Variants in TBC1D30 observed in about 807,000 individuals in gnomAD.
TBC1D30 encodes TBC1 domain family, member 30.
A neutral mutation model predicts 63.2 loss-of-function variants in TBC1D30; 31 were observed. The ratio of observed to expected loss-of-function variants is 0.49; its 90% CI spans 0.37 to 0.66. The LOEUF (loss-of-function observed/expected upper bound fraction) is 0.66, where lower values mean the gene tolerates loss of function less well. Ranked by LOEUF, TBC1D30 falls within the 30% of genes least tolerant of loss-of-function variation. The probability of loss-of-function intolerance (pLI) is 0.00; values close to 1 mark genes in which losing one functional copy is unlikely to be tolerated. For synonymous variants in TBC1D30, 307 were observed against 361.5 expected, an observed-to-expected ratio of 0.85 and a Z score of 1.71; for missense variants, 810 against 953.6, an observed-to-expected ratio of 0.85 and a Z score of 1.98.
chr12:64,841,259 A>G (rs1875843106), intron 7 of TBC1D30, among the ~76,000 whole-genome samples: 1 of 152,202 alleles, frequency 6.6e-6, no homozygotes, highest in African/African-American at 2.4e-5. Context: ...TGACTTCTGC[A>G]ACTTGGAATT....
In TBC1D30 at chr12:64,824,773, G is replaced by A; in HGVS notation, c.-107G>A. The A allele has an allele frequency of 2.1e-6, 3 of 1,406,940 alleles. No individual in the cohort carries two copies. Among genetic ancestry groups the A allele is most frequent in the Non-Finnish European group, 2.8e-6 (3 of 1,065,450 alleles). The allele number at this position is 1,406,940 out of a possible 1,614,324, so 87.2% of individuals were successfully genotyped here. On this transcript the variant is annotated 5_prime_UTR_variant, in exon 1 of 12. Coordinates refer to ENST00000539867, the MANE Select transcript of TBC1D30 (RefSeq NM_015279.2). ...TGTGCGCTCCCTGCTCCCACGGGCC[G>A]GTCAGCCGCAGACACTCACCCAGCT...
intron 1 of TBC1D30, among the ~76,000 whole-genome samples, chr12:64,785,213 G>A (rs963905433): frequency 6.7e-6 from 1 of 149,932 alleles, no homozygotes; most frequent in Non-Finnish European, 1.5e-5. Flanking sequence ...GTGCAATGGC[G>A]CGATCTTGGC....
At chr12:64,873,403 C>G (rs769579640) in intron 11 of TBC1D30, among the ~76,000 whole-genome samples, 7 of 152,080 alleles carry the variant, frequency 4.6e-5, no homozygotes, top group African/African-American at 1.4e-4. Context: ...TTAAAGGGCT[C>G]AGTTTCAGAA....
At chr12:64,780,596 G>A (rs1159160731) in exon 1 of TBC1D30, among the ~76,000 whole-genome samples, 3 of 152,216 alleles carry the variant, frequency 2.0e-5, no homozygotes, top group East Asian at 1.9e-4. Context: ...GCTCAGTGGC[G>A]TGGCAGTCTC....
intron 2 of TBC1D30, among the ~76,000 whole-genome samples, chr12:64,788,765 C>T (rs1871744719): frequency 6.6e-6 from 1 of 152,092 alleles, no homozygotes; most frequent in African/African-American, 2.4e-5. Context: ...CCTGAGAGTT[C>T]AATTCTCTCT....
rs182860673 is a variant in TBC1D30 at position 64,863,539 on chromosome 12, C to T, written c.1039-1129C>T. Among the ~76,000 whole-genome samples, 59 of 152,210 alleles carry T rather than the reference C, an allele frequency of 3.9e-4. 1 individual carries two copies. In the East Asian group the frequency reaches 0.01, roughly 26 times the overall value. On this transcript the variant is annotated intron_variant, in intron 8 of 11. Transcript: ENST00000539867. ...AAGCTGTGTAGCTTTGCACAGTAAG[C>T]GTGGAGAATTGAAGAGAAGGAATTT...
chr12:64,764,408 C>CATCA (rs930789679), intron 1 of TBC1D30, among the ~76,000 whole-genome samples: 1 of 152,204 alleles, frequency 6.6e-6, no homozygotes, highest in Non-Finnish European at 1.5e-5. Flanking sequence ...ATCATGACCT[C>CATCA]TGAAGTGTAA....
Position 64,848,686 on chromosome 12 carries a change from TG to T in TBC1D30, c.1038+5204del, listed in dbSNP as rs1198946140. Reference sequence around the variant, plus strand: ...ATCCAGTCTATCATTGATGGGAATTTGGGTTGGTTCCAAGTCTTTGCTATTG... The same window carrying T: ...ATCCAGTCTATCATTGATGGGAATTTGGTTGGTTCCAAGTCTTTGCTATTG... On this transcript the variant is annotated intron_variant, in intron 8 of 11. Transcript: ENST00000539867. 2.0e-5 allele frequency among the ~76,000 whole-genome samples: 3 copies of T among 152,348 alleles called. No homozygotes were observed. In the East Asian group the frequency reaches 5.8e-4, roughly 29 times the overall value.
chr12:64,853,264 C>T, intron 8 of TBC1D30, among the ~76,000 whole-genome samples: 1 of 152,208 alleles, frequency 6.6e-6, no homozygotes, highest in Admixed American at 6.5e-5. Flanking sequence ...CCAGTTCGAA[C>T]TTCCTGGCAG....
At chr12:64,827,506 G>GT (rs1874462155) in intron 1 of TBC1D30, among the ~76,000 whole-genome samples, 1 of 152,130 alleles carries the variant, frequency 6.6e-6, no homozygotes, top group Non-Finnish European at 1.5e-5. Context: ...TAGATAAATT[G>GT]TTTCAGTCTA....
At chr12:64,867,058 G>A (rs907352766) in intron 10 of TBC1D30, among the ~76,000 whole-genome samples, 155 bp downstream of exon 10, 3 of 152,092 alleles carry the variant, frequency 2.0e-5, no homozygotes, top group African/African-American at 7.2e-5. Flanking sequence ...ATGCCTGTAA[G>A]CCCAGCACTT....
chr12:64,840,180 C>T (rs1042766060), intron 7 of TBC1D30, among the ~76,000 whole-genome samples: 1 of 152,064 alleles, frequency 6.6e-6, no homozygotes, highest in African/African-American at 2.4e-5. Context: ...GTGCTATTTA[C>T]TTATCTTTCA....
chr12:64,857,796 G>T (rs1877436264), intron 8 of TBC1D30, among the ~76,000 whole-genome samples: 1 of 152,228 alleles, frequency 6.6e-6, no homozygotes, highest in African/African-American at 2.4e-5. Context: ...TTCCCCACTG[G>T]CTAGGTCTGG....
chr12:64,872,439 A>G (rs906194221), intron 11 of TBC1D30, among the ~76,000 whole-genome samples: 10 of 152,108 alleles, frequency 6.6e-5, no homozygotes, highest in Admixed American at 5.9e-4. Context: ...TTTACAGGAA[A>G]AGTTTGCTGA....
intron 11 of TBC1D30, among the ~76,000 whole-genome samples, chr12:64,871,232 G>T (rs1026432265): frequency 1.3e-5 from 2 of 152,148 alleles, no homozygotes; most frequent in Non-Finnish European, 2.9e-5. Context: ...AACAGATGTT[G>T]TATCAGAGAA....
chr12:64,844,413 A>G (rs1184689063), intron 8 of TBC1D30, among the ~76,000 whole-genome samples: 1 of 152,190 alleles, frequency 6.6e-6, no homozygotes, highest in Non-Finnish European at 1.5e-5. Flanking sequence ...TAGTAGGTGC[A>G]TATATTTATG....
At chr12:64,770,273 T>G (rs1201966397) in intron 1 of TBC1D30, among the ~76,000 whole-genome samples, 2 of 151,142 alleles carry the variant, frequency 1.3e-5, no homozygotes, top group African/African-American at 2.5e-5. Flanking sequence ...TGTCTGAGTA[T>G]GCTTTGTTTT....
At chr12:64,762,083 G>A (rs1360441994) in intron 1 of TBC1D30, among the ~76,000 whole-genome samples, 1 of 152,192 alleles carries the variant, frequency 6.6e-6, no homozygotes, top group Non-Finnish European at 1.5e-5. Context: ...TTAGTCTAAG[G>A]TGCCCTGAGG....
chr12:64,875,810 C>G lies in TBC1D30; in HGVS notation c.*22C>G. On this transcript the variant is annotated 3_prime_UTR_variant, in exon 12 of 12. Coordinates refer to ENST00000539867, the MANE Select transcript of TBC1D30 (RefSeq NM_015279.2). ...ATGATGTCTCCCCGAAACTTTGTAT[C>G]TGGACTCACCTTTTCACAGTAGTAT... The G allele has an allele frequency of 6.6e-7, 1 of 1,509,576 alleles. No homozygotes were observed. Among genetic ancestry groups the G allele is most frequent in the Non-Finnish European group, 8.8e-7 (1 of 1,135,336 alleles). The allele number at this position is 1,509,576 out of a possible 1,614,324, so 93.5% of individuals were successfully genotyped here.
Sources: gnomAD v4.1 joint callset for allele counts (sites outside exome capture counted in the v4.1 genomes callset) on GRCh38, gnomAD v4.1.1 for gene constraint, MANE v1.5 for transcripts, NCBI Gene and HGNC (gene_info 2026-07-23, HGNC 2026-07-21) for gene names.